Variants in RSU1 observed in about 807,000 individuals in gnomAD.
RSU1 encodes Ras suppressor protein 1.
RSU1 carries 26 observed loss-of-function variants against 31.1 expected under a neutral mutation model. That is an observed-to-expected ratio of 0.84 (90% CI 0.61 to 1.16). The LOEUF (loss-of-function observed/expected upper bound fraction) is 1.16. Ranked by LOEUF, RSU1 falls within the 50% of genes most tolerant of loss-of-function variation. The pLI is 0.00. For missense variants in RSU1, 320 were observed against 339.1 expected, an observed-to-expected ratio of 0.94 and a Z score of 0.44; for synonymous variants, 164 against 136.3, an observed-to-expected ratio of 1.20 and a Z score of -1.41.
chr10:16,594,661 T>C (rs1031027200), intron 8 of RSU1, among the ~76,000 whole-genome samples: 3 of 142,606 alleles, frequency 2.1e-5, no homozygotes, highest in South Asian at 4.2e-4. Flanking sequence ...ATATATCATA[T>C]ATTATCTATA....
intron 8 of RSU1, among the ~76,000 whole-genome samples, chr10:16,680,831 G>GA (rs551336472): frequency 6.6e-6 from 1 of 152,042 alleles, no homozygotes. Context: ...ACTATGTCAG[G>GA]AAAAAATGAA....
chr10:16,659,616 G>GT, intron 8 of RSU1, among the ~76,000 whole-genome samples: 1 of 151,992 alleles, frequency 6.6e-6, no homozygotes, highest in Admixed American at 6.6e-5. Flanking sequence ...AACTACACTG[G>GT]CACCCTAATA....
At chr10:16,648,467 G>C (rs905320076) in intron 8 of RSU1, among the ~76,000 whole-genome samples, 3 of 152,158 alleles carry the variant, frequency 2.0e-5, no homozygotes, top group Admixed American at 6.5e-5. Context: ...TACGAAGATA[G>C]GTCAAAGTTT....
intron 8 of RSU1, among the ~76,000 whole-genome samples, chr10:16,608,861 G>C (rs913998641): frequency 1.3e-5 from 2 of 152,128 alleles, no homozygotes; most frequent in African/African-American, 4.8e-5. Context: ...CTAGTTTAGG[G>C]ACAGGGTCTT....
chr10:16,813,769 G>T (rs1320591124), intron 2 of RSU1, among the ~76,000 whole-genome samples: 1 of 152,158 alleles, frequency 6.6e-6, no homozygotes, highest in East Asian at 1.9e-4. Context: ...AATCTGGCTG[G>T]ACTACTAGAA....
chr10:16,778,018 C>CTTTTTTTT (rs10685188), intron 3 of RSU1, among the ~76,000 whole-genome samples: 1 of 117,674 alleles, frequency 8.5e-6, no homozygotes, highest in African/African-American at 3.5e-5. Context: ...GGTCATATAC[C>CTTTTTTTT]TTTTTTTTTT....
chr10:16,735,195 A>G (rs1836600376), intron 7 of RSU1, among the ~76,000 whole-genome samples: 1 of 152,266 alleles, frequency 6.6e-6, no homozygotes, highest in Non-Finnish European at 1.5e-5. Flanking sequence ...TAAGTTAAAA[A>G]GCAATAAAGA....
chr10:16,707,498 T>C (rs1427294674), intron 7 of RSU1, among the ~76,000 whole-genome samples: 1 of 152,140 alleles, frequency 6.6e-6, no homozygotes. Flanking sequence ...TTTTTTCATA[T>C]ACATGTTGGC....
intron 4 of RSU1, among the ~76,000 whole-genome samples, chr10:16,760,306 TCCAGACCAG>T (rs1837181053): frequency 2.0e-5 from 3 of 152,066 alleles, no homozygotes; most frequent in Non-Finnish European, 4.4e-5. Flanking sequence ...GGTCAGGAGT[TCCAGACCAG>T]CCTGACCAAC....
intron 2 of RSU1, among the ~76,000 whole-genome samples, chr10:16,791,884 T>C (rs1413831334): frequency 6.6e-6 from 1 of 152,182 alleles, no homozygotes; most frequent in East Asian, 1.9e-4. Flanking sequence ...CTCTGGAACT[T>C]GTCTCCATAG....
chr10:16,651,897 T>C (rs1477479475), intron 8 of RSU1, among the ~76,000 whole-genome samples: 1 of 152,190 alleles, frequency 6.6e-6, no homozygotes, highest in Admixed American at 6.5e-5. Flanking sequence ...CAAAATAAAG[T>C]AAGTAAATGA....
At chr10:16,765,968 A>G (rs141762114) in intron 3 of RSU1, among the ~76,000 whole-genome samples, 15 of 152,334 alleles carry the variant, frequency 9.8e-5, no homozygotes, top group Admixed American at 3.3e-4. Context: ...AAGACGACCA[A>G]TTGATAACTC....
intron 8 of RSU1, among the ~76,000 whole-genome samples, chr10:16,687,364 A>AT (rs1186215937): frequency 6.6e-6 from 1 of 152,198 alleles, no homozygotes; most frequent in Non-Finnish European, 1.5e-5. Flanking sequence ...AAACTGAACC[A>AT]TTTTGCATGA....
At chr10:16,745,694 G>A (rs1203399605) in intron 7 of RSU1, among the ~76,000 whole-genome samples, 1 of 152,146 alleles carries the variant, frequency 6.6e-6, no homozygotes, top group Non-Finnish European at 1.5e-5. Flanking sequence ...GGAATTATGG[G>A]AGCTACCAGA....
At chr10:16,704,508 C>A (rs1041650784) in intron 7 of RSU1, among the ~76,000 whole-genome samples, 20 of 152,294 alleles carry the variant, frequency 1.3e-4, no homozygotes, top group African/African-American at 4.1e-4. Context: ...TGACACTTAA[C>A]AGATTTTCTC....
intron 7 of RSU1, among the ~76,000 whole-genome samples, chr10:16,732,630 C>T (rs1215113896): frequency 6.6e-6 from 1 of 152,162 alleles, no homozygotes; most frequent in African/African-American, 2.4e-5. Flanking sequence ...GTTATAGCAG[C>T]CCAAGCTGAC....
chr10:16,621,009 G>C (rs982122427), intron 8 of RSU1, among the ~76,000 whole-genome samples: 2 of 152,048 alleles, frequency 1.3e-5, no homozygotes. Flanking sequence ...TTCAATCTGC[G>C]TACTTAACCA....
At position 16,707,469 on chromosome 10, in the gene RSU1, T is replaced by C. The variant is rs548035471; in HGVS notation, c.599-12314A>G. On this transcript the variant is annotated intron_variant, in intron 7 of 8. Coordinates refer to ENST00000345264, the MANE Select transcript of RSU1 (RefSeq NM_012425.4). ...GTGGTTCTGATTTGCACTTTCTTGA[T>C]GATTACTGATGTTGAGCATTTTTTC... 7.2e-5 allele frequency among the ~76,000 whole-genome samples: 11 copies of C among 152,310 alleles called. No homozygotes were observed. In the South Asian group the frequency reaches 2.3e-3, roughly 32 times the overall value.
chr10:16,662,188 G>A (rs1428745110), intron 8 of RSU1, among the ~76,000 whole-genome samples: 1 of 152,182 alleles, frequency 6.6e-6, no homozygotes, highest in Non-Finnish European at 1.5e-5. Flanking sequence ...CACCCACACA[G>A]CTGGTATAAC....
Sources: allele counts gnomAD v4.1 joint callset (sites outside exome capture counted in the v4.1 genomes callset), GRCh38; gene constraint gnomAD v4.1.1; transcripts MANE v1.5; gene names NCBI Gene and HGNC (gene_info 2026-07-23, HGNC 2026-07-21).